Variants in TMEM135 observed in about 807,000 individuals in gnomAD.
The protein encoded by TMEM135 is transmembrane protein 135.
Under a neutral mutation model 60.3 loss-of-function variants are expected in TMEM135, and 30 were observed. That is an observed-to-expected ratio of 0.50 (90% confidence interval 0.37 to 0.68). TMEM135 has a LOEUF of 0.68. Ranked by LOEUF, TMEM135 falls within the 30% of genes least tolerant of loss-of-function variation. The pLI, the probability that TMEM135 is intolerant of heterozygous loss-of-function variation, is 0.00. For synonymous variants in TMEM135, 190 were observed against 186.7 expected (o/e 1.02, Z -0.14); for missense variants, 468 against 548.8 (o/e 0.85, Z 1.47).
intron 6 of TMEM135, among the ~76,000 whole-genome samples, chr11:87,263,799 A>C (rs1297882854): frequency 6.6e-6 from 1 of 152,096 alleles, no homozygotes; most frequent in Non-Finnish European, 1.5e-5. Flanking sequence ...AGTTAGTGGC[A>C]GAGACAGAAG....
intron 5 of TMEM135, among the ~76,000 whole-genome samples, chr11:87,226,385 TA>T (rs1467272380): frequency 6.6e-6 from 1 of 152,206 alleles, no homozygotes; most frequent in Non-Finnish European, 1.5e-5. Flanking sequence ...AATTTTCTTT[TA>T]TATTTTAAAT....
At chr11:87,132,919 A>G (rs569130664) in intron 4 of TMEM135, among the ~76,000 whole-genome samples, 1 of 152,350 alleles carries the variant, frequency 6.6e-6, no homozygotes, top group Admixed American at 6.5e-5. Flanking sequence ...AGCCGTTATA[A>G]CAATATGCCA....
intron 4 of TMEM135, among the ~76,000 whole-genome samples, chr11:87,124,232 A>G (rs991014832): frequency 2.0e-5 from 3 of 152,206 alleles, no homozygotes; most frequent in Non-Finnish European, 4.4e-5. Flanking sequence ...GATGGCTCAG[A>G]ATTGAAAGAA....
intron 5 of TMEM135, among the ~76,000 whole-genome samples, chr11:87,227,344 T>A (rs1940786956): frequency 6.6e-6 from 1 of 152,036 alleles, no homozygotes; most frequent in Non-Finnish European, 1.5e-5. Flanking sequence ...CTTCTTTTTA[T>A]GGGTGAAAAA....
At chr11:87,123,522 G>A (rs1046566806) in intron 4 of TMEM135, among the ~76,000 whole-genome samples, 1 of 152,096 alleles carries the variant, frequency 6.6e-6, no homozygotes, top group African/African-American at 2.4e-5. Context: ...GATTACATCT[G>A]CAAAGACCCT....
At chr11:87,104,110 A>C (rs910328021) in intron 4 of TMEM135, among the ~76,000 whole-genome samples, 3 of 152,120 alleles carry the variant, frequency 2.0e-5, no homozygotes, top group Non-Finnish European at 2.9e-5. Context: ...ATTTTTATAT[A>C]ACATATAGAT....
At chr11:87,290,606 T>C (rs773996102) in intron 6 of TMEM135, among the ~76,000 whole-genome samples, 2 of 152,192 alleles carry the variant, frequency 1.3e-5, no homozygotes, top group African/African-American at 2.4e-5. Context: ...TAATTGAAAA[T>C]TTGAACATTT....
chr11:87,193,819 A>G (rs879520092), intron 5 of TMEM135, among the ~76,000 whole-genome samples: 4 of 149,584 alleles, frequency 2.7e-5, no homozygotes, highest in Non-Finnish European at 4.4e-5. Flanking sequence ...ATGAAGTCAT[A>G]CATTATACTT....
At chr11:87,099,627 A>G (rs2135181413) in intron 4 of TMEM135, among the ~76,000 whole-genome samples, 1 of 150,758 alleles carries the variant, frequency 6.6e-6, no homozygotes, top group Non-Finnish European at 1.5e-5. Context: ...GGTCTGGGAT[A>G]AATGCCCATT....
At chr11:87,079,895 G>T (rs1480442198) in intron 3 of TMEM135, among the ~76,000 whole-genome samples, 8 of 143,376 alleles carry the variant, frequency 5.6e-5, no homozygotes, top group African/African-American at 7.8e-5. Context: ...AGGCTGGAGT[G>T]CAGTGGCGTG....
At chr11:87,122,204 A>T (rs1937609352) in intron 4 of TMEM135, among the ~76,000 whole-genome samples, 1 of 151,592 alleles carries the variant, frequency 6.6e-6, no homozygotes, top group Non-Finnish European at 1.5e-5. Flanking sequence ...TTTATTCCAC[A>T]TTCTTCCATT....
At chr11:87,198,582 C>G (rs1940015832) in intron 5 of TMEM135, among the ~76,000 whole-genome samples, 2 of 146,766 alleles carry the variant, frequency 1.4e-5, no homozygotes, top group Admixed American at 1.4e-4. Context: ...CCGCTCCCCT[C>G]TCTCTCATTC....
chr11:87,059,715 C>A (rs1949927959), intron 1 of TMEM135, among the ~76,000 whole-genome samples: 2 of 152,198 alleles, frequency 1.3e-5, no homozygotes, highest in African/African-American at 4.8e-5. Context: ...AATCAGGAAG[C>A]AATTCTGCAG....
intron 4 of TMEM135, among the ~76,000 whole-genome samples, chr11:87,144,481 GCTGAATTTTGC>G (rs1938352036): frequency 6.6e-6 from 1 of 152,210 alleles, no homozygotes; most frequent in South Asian, 2.1e-4. Flanking sequence ...CAGGTGGCAG[GCTGAATTTTGC>G]CTGCAGGCGT....
rs960880280 is a variant in TMEM135, at chr11:87,328,678, CTTTTATT to C, written c.*7352_*7358del. 3.5e-5 allele frequency: 16 copies of C among 453,902 alleles called. No individual in the cohort carries two copies. The highest frequency in any genetic ancestry group is 2.2e-4 in the African/African-American group (11 of 49,998). 28.1% of individuals were successfully genotyped at this position (453,902 alleles called of 1,614,324 possible). A position where few individuals can be genotyped will look rare whatever the true frequency, so the allele number is the denominator to read the frequency against. On this transcript the variant is annotated 3_prime_UTR_variant, in exon 15 of 15. Coordinates refer to ENST00000305494, the MANE Select transcript of TMEM135 (RefSeq NM_022918.4). ...GATGCTGCAAAAGACATTATTTCAT[CTTTTATT>C]TTTTATGGCTGAGTAGTATTCCATG...
intron 6 of TMEM135, among the ~76,000 whole-genome samples, chr11:87,253,234 C>G (rs1206997404): frequency 6.6e-6 from 1 of 152,180 alleles, no homozygotes; most frequent in African/African-American, 2.4e-5. Context: ...GATAGTTACT[C>G]TAACATTTTA....
chr11:87,247,168 A>G (rs1405410427), intron 6 of TMEM135, among the ~76,000 whole-genome samples: 1 of 151,728 alleles, frequency 6.6e-6, no homozygotes, highest in Non-Finnish European at 1.5e-5. Context: ...AGAAGAGCGG[A>G]TTTTTGTGAA....
In TMEM135 at chr11:87,086,219, T is replaced by C. The variant is rs543104927; in HGVS notation, c.363-5143T>C. ...TCTAGTAATTCCATAATCATTTGTT[T>C]AGTGCCTCGTATGCCTTAGGTGTGA... On this transcript the variant is annotated intron_variant, in intron 3 of 14. Coordinates refer to ENST00000305494, the MANE Select transcript of TMEM135 (RefSeq NM_022918.4). Among the ~76,000 whole-genome samples, 265 of 152,284 alleles carry C rather than the reference T, an allele frequency of 1.7e-3. 3 individuals carry two copies. Among genetic ancestry groups the C allele is most frequent in the African/African-American group, 6.0e-3 (249 of 41,560 alleles).
intron 4 of TMEM135, among the ~76,000 whole-genome samples, chr11:87,128,379 G>A (rs899942471): frequency 3.9e-5 from 6 of 151,990 alleles, no homozygotes; most frequent in South Asian, 2.1e-4. Context: ...AACCTTCTGC[G>A]TGTTCTTTTT....
Sources: allele counts gnomAD v4.1 joint callset (sites outside exome capture counted in the v4.1 genomes callset), GRCh38; gene constraint gnomAD v4.1.1; transcripts MANE v1.5; gene names NCBI Gene and HGNC (gene_info 2026-07-23, HGNC 2026-07-21).